Variants in CDC73 observed in about 807,000 individuals in gnomAD.
CDC73 encodes the protein parafibromin.
CDC73 carries 21 observed loss-of-function variants against 83.7 expected under a neutral mutation model. The observed-to-expected ratio is 0.25, with a 90% CI of 0.18 to 0.36. CDC73 has a LOEUF of 0.36. Ranked by LOEUF, CDC73 falls within the 10% of genes least tolerant of loss-of-function variation. CDC73 has a pLI of 1.00. For synonymous variants in CDC73, 224 were observed against 212.9 expected, an observed-to-expected ratio of 1.05 and a Z score of -0.45; for missense variants, 342 against 653.3, an observed-to-expected ratio of 0.52 and a Z score of 5.19.
intron 13 of CDC73, among the ~76,000 whole-genome samples, chr1:193,221,967 A>G (rs1035246704): frequency 1.3e-5 from 2 of 152,138 alleles, no homozygotes; most frequent in East Asian, 1.9e-4. Context: ...TGCAAATAGC[A>G]TAGATTCTAT....
chr1:193,144,480 C>T (rs1190934715), intron 7 of CDC73, among the ~76,000 whole-genome samples: 2 of 151,846 alleles, frequency 1.3e-5, no homozygotes, highest in East Asian at 1.9e-4. Context: ...ATTTTATGTG[C>T]ATTTTTCATT....
At chr1:193,144,111 C>CAGAAAAAA (rs1675952953) in intron 7 of CDC73, among the ~76,000 whole-genome samples, 1 of 13,266 alleles carries the variant, frequency 7.5e-5, no homozygotes, top group Non-Finnish European at 2.3e-4. Context: ...CTCTGTCTCA[C>CAGAAAAAA]CAAAAAAAAA....
intron 10 of CDC73, chr1:193,180,276 G>GA (rs745421945): frequency 6.3e-5 from 96 of 1,530,160 alleles, no homozygotes; most frequent in East Asian, 2.9e-4. Flanking sequence ...TTGCACATTT[G>GA]AAAAAAAATT....
intron 10 of CDC73, among the ~76,000 whole-genome samples, chr1:193,153,680 T>C (rs1676159757): frequency 6.6e-6 from 1 of 152,234 alleles, no homozygotes; most frequent in Non-Finnish European, 1.5e-5. Flanking sequence ...ATTTTGTTAA[T>C]ATACTTGTTT....
At chr1:193,159,249 T>TA in intron 10 of CDC73, among the ~76,000 whole-genome samples, 1 of 152,322 alleles carries the variant, frequency 6.6e-6, no homozygotes, top group South Asian at 2.1e-4. Flanking sequence ...AAATTAAGCT[T>TA]CAGTTTTCTC....
intron 1 of CDC73, among the ~76,000 whole-genome samples, chr1:193,123,554 C>G (rs999123622): frequency 6.6e-6 from 1 of 152,082 alleles, no homozygotes; most frequent in African/African-American, 2.4e-5. Flanking sequence ...ATTTTTTTGT[C>G]TTATGATTTA....
chr1:193,152,890 C>T (rs896458439), intron 10 of CDC73, among the ~76,000 whole-genome samples: 2 of 152,184 alleles, frequency 1.3e-5, no homozygotes, highest in African/African-American at 4.8e-5. Flanking sequence ...CGCCATTCTC[C>T]TGCCTCAGCC....
chr1:193,123,720 T>C (rs1325517213), intron 1 of CDC73, among the ~76,000 whole-genome samples: 1 of 152,016 alleles, frequency 6.6e-6, no homozygotes, highest in African/African-American at 2.4e-5. Flanking sequence ...TGTGAAGTGG[T>C]TCAATCTGAG....
At chr1:193,142,567 T>A (rs1284847449) in intron 7 of CDC73, among the ~76,000 whole-genome samples, 1 of 152,164 alleles carries the variant, frequency 6.6e-6, no homozygotes, top group East Asian at 1.9e-4. Context: ...CTTTTGTTTT[T>A]GCTCCAAAGA....
intron 7 of CDC73, among the ~76,000 whole-genome samples, chr1:193,146,540 G>A (rs980848250): frequency 6.6e-6 from 1 of 151,140 alleles, no homozygotes; most frequent in Non-Finnish European, 1.5e-5. Flanking sequence ...AGAGAGAAAT[G>A]GGGCCAAACT....
At chr1:193,135,931 T>G (rs2103122145) in intron 5 of CDC73, among the ~76,000 whole-genome samples, 1 of 151,206 alleles carries the variant, frequency 6.6e-6, no homozygotes, top group East Asian at 1.9e-4. Flanking sequence ...TCCAGTGGTA[T>G]GATCATAGCT....
intron 11 of CDC73, among the ~76,000 whole-genome samples, chr1:193,206,647 G>A (rs1473732568): frequency 6.6e-6 from 1 of 152,166 alleles, no homozygotes; most frequent in Non-Finnish European, 1.5e-5. Flanking sequence ...TATGGCCAGT[G>A]TAAGAAGGGG....
At chr1:193,152,235 C>A (rs901364568) in intron 9 of CDC73, 145 bp from the exon 10 acceptor site, 4 of 609,856 alleles carry the variant, frequency 6.6e-6, no homozygotes, top group Non-Finnish European at 1.2e-5. Context: ...TTCACAAGTA[C>A]GTAATTTAAT....
intron 10 of CDC73, among the ~76,000 whole-genome samples, chr1:193,171,459 A>C (rs148622178): frequency 1.3e-5 from 2 of 152,274 alleles, no homozygotes; most frequent in East Asian, 3.9e-4. Context: ...TTGTTGATTG[A>C]ATTCAGTTCC....
chr1:193,231,396 T>C (rs1677661157), intron 13 of CDC73, among the ~76,000 whole-genome samples: 1 of 152,334 alleles, frequency 6.6e-6, no homozygotes, highest in African/African-American at 2.4e-5. Context: ...GGACTATGTT[T>C]TGTACAACTA....
chr1:193,201,091 G>A (rs1032646804), intron 10 of CDC73, among the ~76,000 whole-genome samples: 1 of 12,088 alleles, frequency 8.3e-5, no homozygotes, highest in Non-Finnish European at 2.0e-4. Context: ...GTGTATTGGC[G>A]GGGGTGGGTG....
chr1:193,188,279 G>A (rs1676854322), intron 10 of CDC73, among the ~76,000 whole-genome samples: 1 of 152,134 alleles, frequency 6.6e-6, no homozygotes, highest in Admixed American at 6.6e-5. Flanking sequence ...TAGTCCAAAT[G>A]TCAGATAAAT....
Position 193,254,427 on chromosome 1 carries a change from A to G in CDC73, c.*3715A>G, listed in dbSNP as rs1678098629. ...AGATTCACCCAGCTATTCTAATGAT[A>G]GAAATAAAAAGTGGAGAAATGACTA... is the stretch of plus-strand genomic sequence containing the variant. On this transcript the variant is annotated 3_prime_UTR_variant, in exon 17 of 17. Coordinates refer to ENST00000367435, the MANE Select transcript of CDC73 (RefSeq NM_024529.5). Among the ~76,000 whole-genome samples the G allele has an allele frequency of 6.6e-6, 1 of 152,116 alleles. No individual in the cohort carries two copies. Among genetic ancestry groups the G allele is most frequent in the South Asian group, 2.1e-4 (1 of 4,830 alleles).
At chr1:193,140,958 G>A (rs1675896155) in intron 6 of CDC73, 1 of 152,040 alleles carries the variant, frequency 6.6e-6, no homozygotes, top group African/African-American at 2.4e-5. Flanking sequence ...TGCATCAAAT[G>A]CCAGATGCAT....
Sources: allele counts gnomAD v4.1 joint callset (sites outside exome capture counted in the v4.1 genomes callset), GRCh38; gene constraint gnomAD v4.1.1; transcripts MANE v1.5; gene names NCBI Gene and HGNC (gene_info 2026-07-23, HGNC 2026-07-21).